The following RHBDF2 variants were observed in gnomAD, a reference collection of about 807,000 sequenced individuals.
The protein encoded by RHBDF2 is rhomboid 5 homolog 2, also known as inactive rhomboid protein 2.
In RHBDF2, 38 loss-of-function variants were observed where a neutral mutation model predicts 95.2. The ratio of observed to expected loss-of-function variants is 0.40; its 90% CI spans 0.31 to 0.52. The LOEUF (loss-of-function observed/expected upper bound fraction) is 0.52, where lower values mean the gene tolerates loss of function less well. Ranked by LOEUF, RHBDF2 falls within the 20% of genes least tolerant of loss-of-function variation. The pLI, the probability that RHBDF2 is intolerant of heterozygous loss-of-function variation, is 0.56. For missense variants in RHBDF2, 863 were observed against 1,137.7 expected (o/e 0.76, Z 3.47); for synonymous variants, 442 against 462.0 (o/e 0.96, Z 0.55).
chr17:76,485,181 G>A (rs2074087671), intron 2 of RHBDF2, among the ~76,000 whole-genome samples: 1 of 152,166 alleles, frequency 6.6e-6, no homozygotes, highest in Non-Finnish European at 1.5e-5. Flanking sequence ...GCCGAGGCGG[G>A]CGGATCACCT....
Position 76,471,438 on chromosome 17 carries a change from C to A in RHBDF2, c.*195G>T. On this transcript the variant is annotated 3_prime_UTR_variant, in exon 19 of 19. Transcript: ENST00000675367. Reference sequence around the variant, plus strand: ...GGTCAGGATCTCACAGGCCTCACGCCCCAGAAAAACCCCGCCTTAACCAAC... The same window carrying A: ...GGTCAGGATCTCACAGGCCTCACGCACCAGAAAAACCCCGCCTTAACCAAC... 1 of 615,716 alleles carries A rather than the reference C, an allele frequency of 1.6e-6. No individual in the cohort carries two copies. The highest frequency in any genetic ancestry group is 2.8e-6 in the Non-Finnish European group (1 of 359,412). The allele number at this position is 615,716 out of a possible 1,614,324, so 38.1% of individuals were successfully genotyped here.
chr17:76,483,409 C>T (rs1464115244), intron 2 of RHBDF2, among the ~76,000 whole-genome samples: 2 of 152,178 alleles, frequency 1.3e-5, no homozygotes, highest in Admixed American at 1.3e-4. Flanking sequence ...CCTCAGCCTC[C>T]CAAGAAGCTC....
chr17:76,491,714 T>C (rs1209121420), intron 1 of RHBDF2, among the ~76,000 whole-genome samples: 1 of 152,118 alleles, frequency 6.6e-6, no homozygotes, highest in Non-Finnish European at 1.5e-5. Context: ...ACCATTGAGA[T>C]CAACTGCCTC....
chr17:76,490,004 C>T (rs2074256789), intron 1 of RHBDF2, among the ~76,000 whole-genome samples: 1 of 152,232 alleles, frequency 6.6e-6, no homozygotes, highest in Admixed American at 6.5e-5. Flanking sequence ...CATTCCAGCG[C>T]TTTCCAAACC....
At chr17:76,489,992 A>T (rs1231759766) in intron 1 of RHBDF2, among the ~76,000 whole-genome samples, 3 of 152,208 alleles carry the variant, frequency 2.0e-5, no homozygotes, top group Middle Eastern at 3.2e-3. Context: ...AACTTGGTCC[A>T]GCATTCCAGC....
chr17:76,473,851 G>A lies in RHBDF2; in HGVS notation c.1626C>T (p.Ile542=). The A allele has an allele frequency of 6.2e-7, 1 of 1,614,108 alleles. No homozygotes were observed. The highest frequency in any genetic ancestry group is 8.5e-7 in the Non-Finnish European group (1 of 1,180,016). The change falls in exon 14 of 19, where the codon ATC becomes ATT. Residue 542 remains isoleucine, a synonymous_variant. Coordinates refer to ENST00000675367, the MANE Select transcript of RHBDF2 (RefSeq NM_001005498.4). ...CAGGGACACTCACCGGCCACTTAGT[G>A]ATGTCATCGGGCCAGATGTGGGCAC... ...SSGAHIWPDD[I]TKWPICTEQA...
intron 8 of RHBDF2, 66 bp downstream of exon 8, chr17:76,477,114 G>A: frequency 1.2e-6 from 2 of 1,610,430 alleles, no homozygotes; most frequent in Non-Finnish European, 1.7e-6. Context: ...GGGGGCCAGG[G>A]TGAGGTCTGG....
chr17:76,484,723 CCT>C (rs1368762272), intron 2 of RHBDF2, among the ~76,000 whole-genome samples: 6 of 152,300 alleles, frequency 3.9e-5, no homozygotes, highest in South Asian at 4.1e-4. Flanking sequence ...ACTTCCAGGA[CCT>C]CTCTTCGTCT....
intron 2 of RHBDF2, among the ~76,000 whole-genome samples, chr17:76,486,767 C>T (rs889004324): frequency 9.8e-6 from 1 of 101,788 alleles, no homozygotes; most frequent in Admixed American, 9.3e-5. Context: ...ATGGGTGAAT[C>T]GACTGGTGTG....
At chr17:76,474,012 A>G in intron 13 of RHBDF2, 21 bp downstream of exon 13, 2 of 1,608,138 alleles carry the variant, frequency 1.2e-6, no homozygotes, top group Non-Finnish European at 1.7e-6. Flanking sequence ...CCTGAGGCCC[A>G]GCAGAGGCTC....
At chr17:76,487,030 C>G (rs1216946745) in intron 2 of RHBDF2, among the ~76,000 whole-genome samples, 1 of 144,050 alleles carries the variant, frequency 6.9e-6, no homozygotes, top group Non-Finnish European at 1.5e-5. Context: ...ACGATCTGAG[C>G]TCACTGCAGC....
rs1567872047 is a variant in RHBDF2, at chr17:76,473,072, G to A, written c.1843C>T (p.Pro615Ser). ...TCTGGGACCTCAGGGTTGAGGAAGG[G>A]CAGCAGCCCACACACCTTGTCCAAG... ...HCLDKVCGLL[P>S]FLNPEVPDQF... Residue 615 changes from proline to serine, a missense_variant, in exon 17 of 19, where the codon CCC becomes TCC. Physicochemically the swap from Pro to Ser is moderately conservative, Grantham distance 74. Transcript: ENST00000675367. 7 of 1,614,118 alleles carry A rather than the reference G, an allele frequency of 4.3e-6. No homozygotes were observed. Among genetic ancestry groups the A allele is most frequent in the Non-Finnish European group, 5.9e-6 (7 of 1,179,990 alleles).
In RHBDF2 at chr17:76,481,488, A is replaced by G. The variant is rs1213230654; in HGVS notation, c.37T>C (p.Ser13Pro). Reference protein sequence around the residue: ...SADKNGGSVSSVSSSRLQSRK... With the variant: ...SADKNGGSVSPVSSSRLQSRK... ...CTCTGCAGGCGGCTGCTGGACACAGAGGACACGCTCCCGCCATTCTTGTCA... is the reference window on the plus strand; with the variant it reads ...CTCTGCAGGCGGCTGCTGGACACAGGGGACACGCTCCCGCCATTCTTGTCA... The change falls in exon 3 of 19, where the codon TCT becomes CCT. Residue 13 changes from serine (S) to proline (P), a missense_variant. Transcript: ENST00000675367. The G allele has an allele frequency of 1.9e-6, 3 of 1,609,538 alleles. No homozygotes were observed. The African/African-American group carries it at 4.0e-5, about 22-fold the overall frequency.
intron 1 of RHBDF2, among the ~76,000 whole-genome samples, chr17:76,491,439 G>GC (rs1440502410): frequency 5.9e-5 from 9 of 152,262 alleles, no homozygotes; most frequent in East Asian, 1.9e-4. Flanking sequence ...AGTTGGGGGG[G>GC]GGTCCCGAAG....
chr17:76,486,953 T>TC (rs2074149500), intron 2 of RHBDF2, among the ~76,000 whole-genome samples: 2 of 5,236 alleles, frequency 3.8e-4, no homozygotes, highest in African/African-American at 5.5e-4. Context: ...GCTTCCTGCC[T>TC]TTTTTTTTTT....
At chr17:76,477,557 G>T in intron 7 of RHBDF2, 100 bp downstream of exon 7, 1 of 1,337,270 alleles carries the variant, frequency 7.5e-7, no homozygotes, top group Non-Finnish European at 1.1e-6. Context: ...TGGGCCTCTG[G>T]GTCCCTCAGG....
intron 2 of RHBDF2, 25 bp from the exon 3 acceptor site, chr17:76,481,570 C>A (rs370976955): frequency 8.8e-6 from 14 of 1,584,020 alleles, no homozygotes; most frequent in Non-Finnish European, 8.6e-6. Context: ...GGGAGAGCAG[C>A]GGTGGGCGGT....
Position 76,472,041 on chromosome 17 carries a change from G to C in RHBDF2, c.2076C>G (p.Ala692=). The C allele has an allele frequency of 6.4e-7, 1 of 1,563,366 alleles. No individual in the cohort carries two copies. The highest frequency in any genetic ancestry group is 8.7e-7 in the Non-Finnish European group (1 of 1,154,250). The change falls in exon 19 of 19, where the codon GCC becomes GCG. Residue 692 remains alanine (A), a synonymous_variant. Transcript: ENST00000675367. ...AGGCGAGGAGGCCGAACTGTGAGCCGGCCGGGCCCACCTGGGGCGGGGCAG... is the reference window on the plus strand; with the variant it reads ...AGGCGAGGAGGCCGAACTGTGAGCCCGCCGGGCCCACCTGGGGCGGGGCAG... ...FLPYRAEVGP[A]GSQFGLLACL...
rs893447698 is a variant in RHBDF2, at chr17:76,487,897, T to C, written c.-207A>G. 1 of 152,324 alleles carries C rather than the reference T, an allele frequency of 6.6e-6. No individual in the cohort carries two copies. Among genetic ancestry groups the C allele is most frequent in the African/African-American group, 2.4e-5 (1 of 41,448 alleles). The allele number at this position is 152,324 out of a possible 1,614,324, so 9.4% of individuals were successfully genotyped here. ...CTCCAGGCCACACGGTGCAGCTTCCTGGGTACTCACAGCTGGAAGAAAGGA... is the reference window on the plus strand; with the variant it reads ...CTCCAGGCCACACGGTGCAGCTTCCCGGGTACTCACAGCTGGAAGAAAGGA... On this transcript the variant is annotated 5_prime_UTR_variant, in exon 2 of 19. Transcript: ENST00000675367.
Sources: allele counts gnomAD v4.1 joint callset (sites outside exome capture counted in the v4.1 genomes callset), GRCh38; gene constraint gnomAD v4.1.1; transcripts MANE v1.5; gene names NCBI Gene and HGNC (gene_info 2026-07-23, HGNC 2026-07-21).